Variants in ACVR2B observed in about 807,000 individuals in gnomAD.
ACVR2B encodes activin A receptor type 2B.
In ACVR2B, 18 loss-of-function variants were observed where a neutral mutation model predicts 65.1. The ratio of observed to expected loss-of-function variants is 0.28; its 90% CI spans 0.19 to 0.41. The LOEUF is 0.41. Among genes scored for constraint, ACVR2B ranks in the 10% least tolerant of loss-of-function variants. The pLI, the probability that ACVR2B is intolerant of heterozygous loss-of-function variation, is 1.00. For missense variants in ACVR2B, 482 were observed against 682.7 expected, an observed-to-expected ratio of 0.71 and a Z score of 3.28; for synonymous variants, 298 against 277.7, an observed-to-expected ratio of 1.07 and a Z score of -0.73.
In ACVR2B at chr3:38,454,306, G is replaced by C. The variant is rs1709502682; in HGVS notation, c.-17G>C. ...TGCCCGCGGGCTCCGGGTGTGCGCG[G>C]GGCGGCGCCGCGGAACATGACGGCG... On this transcript the variant is annotated 5_prime_UTR_variant, in exon 1 of 11. Transcript: ENST00000352511. The C allele has an allele frequency of 2.3e-6, 3 of 1,279,090 alleles. No homozygotes were observed. The highest frequency in any genetic ancestry group is 2.0e-6 in the Non-Finnish European group (2 of 1,013,710). 79.2% of individuals were successfully genotyped at this position (1,279,090 alleles called of 1,614,324 possible).
intron 1 of ACVR2B, among the ~76,000 whole-genome samples, chr3:38,455,800 C>T (rs944750567): frequency 3.9e-5 from 6 of 152,154 alleles, no homozygotes; most frequent in African/African-American, 1.4e-4. Flanking sequence ...GATGCCTTTT[C>T]CCCAAGAAGG....
At chr3:38,455,661 A>G (rs1239651493) in intron 1 of ACVR2B, among the ~76,000 whole-genome samples, 3 of 152,232 alleles carry the variant, frequency 2.0e-5, no homozygotes, top group Admixed American at 2.0e-4. Flanking sequence ...CCGGAAACCG[A>G]AGGGCAAAGA....
chr3:38,459,066 AC>A (rs1422595460), intron 1 of ACVR2B, among the ~76,000 whole-genome samples: 2 of 152,118 alleles, frequency 1.3e-5, no homozygotes, highest in African/African-American at 4.8e-5. Flanking sequence ...CAGATTGGGA[AC>A]CACTGATCTA....
intron 1 of ACVR2B, among the ~76,000 whole-genome samples, chr3:38,467,443 C>CA (rs879791999): frequency 0.042 from 5,357 of 128,846 alleles, 314 homozygotes; most frequent in African/African-American, 0.14. Flanking sequence ...AACTCTGTCT[C>CA]AAAAAAAAAA....
At chr3:38,456,913 G>T (rs1709559940) in intron 1 of ACVR2B, among the ~76,000 whole-genome samples, 1 of 152,160 alleles carries the variant, frequency 6.6e-6, no homozygotes, top group Non-Finnish European at 1.5e-5. Context: ...AACTTCAATA[G>T]TATATTTTAC....
At chr3:38,464,369 G>A (rs1709696361) in intron 1 of ACVR2B, among the ~76,000 whole-genome samples, 1 of 152,170 alleles carries the variant, frequency 6.6e-6, no homozygotes, top group Non-Finnish European at 1.5e-5. Flanking sequence ...TTACGATCCT[G>A]AAAATATGTC....
chr3:38,469,327 T>C (rs888161447), intron 1 of ACVR2B, among the ~76,000 whole-genome samples: 22 of 152,210 alleles, frequency 1.4e-4, no homozygotes, highest in Non-Finnish European at 2.9e-4. Flanking sequence ...TTTGCCTGTC[T>C]TTATAATTTA....
Position 38,483,263 on chromosome 3 carries a change from G to T in ACVR2B, c.1470G>T (p.Ser490=), listed in dbSNP as rs41285127. 11 of 1,613,978 alleles carry T rather than the reference G, an allele frequency of 6.8e-6. No individual in the cohort carries two copies. The highest frequency in any genetic ancestry group is 9.3e-6 in the Non-Finnish European group (11 of 1,180,020). Residue 490 remains serine, a synonymous_variant, in exon 11 of 11, where the codon TCG becomes TCT. Coordinates refer to ENST00000352511, the MANE Select transcript of ACVR2B (RefSeq NM_001106.4). The surrounding 1 kb of genome is among the most constrained non-coding windows in gnomAD (Gnocchi z 4.8). ...GGAGGTCGGTCAACGGCACTACCTC[G>T]GACTGTCTCGTTTCCCTGGTGACCT... is the stretch of plus-strand genomic sequence containing the variant. ...LIRRSVNGTT[S]DCLVSLVTSV...
intron 1 of ACVR2B, among the ~76,000 whole-genome samples, chr3:38,472,887 A>T (rs562887026): frequency 3.2e-4 from 48 of 152,232 alleles, no homozygotes; most frequent in Non-Finnish European, 5.4e-4. Context: ...GGCCTACTGG[A>T]CTGAGCTGCT....
At chr3:38,462,099 C>G (rs1417738896) in intron 1 of ACVR2B, among the ~76,000 whole-genome samples, 1 of 152,098 alleles carries the variant, frequency 6.6e-6, no homozygotes, top group Non-Finnish European at 1.5e-5. Flanking sequence ...GAGGCTGAGG[C>G]AGGAGAATGG....
chr3:38,481,651 G>A lies in ACVR2B; in HGVS notation c.1074+186G>A, dbSNP rs1265472295. Among the ~76,000 whole-genome samples, 1 of 152,240 alleles carries A rather than the reference G, an allele frequency of 6.6e-6. No individual in the cohort carries two copies. Among genetic ancestry groups the A allele is most frequent in the African/African-American group, 2.4e-5 (1 of 41,452 alleles). ...AAGACCAGGAAGGCAGTGTAGTTTA[G>A]CTTCCGTAGGACAGTCAGCTGGGAA... On this transcript the variant is annotated intron_variant, in intron 8 of 10. Transcript: ENST00000352511. The surrounding 1 kb of genome is among the most constrained non-coding windows in gnomAD (Gnocchi z 4.7).
chr3:38,479,407 G>A, intron 6 of ACVR2B, 136 bp downstream of exon 6: 1 of 1,358,790 alleles, frequency 7.4e-7, no homozygotes, highest in African/African-American at 1.4e-5. Flanking sequence ...ATCCACTATG[G>A]GGTTACTCCT....
chr3:38,479,761 C>G lies in ACVR2B; in HGVS notation c.894C>G (p.Leu298=). Residue 298 remains leucine, a synonymous_variant, in exon 7 of 11, where the codon CTC becomes CTG. Transcript: ENST00000352511. ...CHVAETMSRG[L]SYLHEDVPWC... is the part of the protein sequence containing the mutation. Reference sequence around the variant, plus strand: ...TAGCAGAGACGATGTCACGAGGCCTCTCATACCTGCATGAGGATGTGCCCT... The same window carrying G: ...TAGCAGAGACGATGTCACGAGGCCTGTCATACCTGCATGAGGATGTGCCCT... 6.2e-7 allele frequency: 1 copy of G among 1,614,256 alleles called. No homozygotes were observed. Among genetic ancestry groups the G allele is most frequent in the Non-Finnish European group, 8.5e-7 (1 of 1,180,044 alleles).
At chr3:38,482,699 A>G in intron 10 of ACVR2B, 139 bp downstream of exon 10, 1 of 1,289,474 alleles carries the variant, frequency 7.8e-7, no homozygotes, top group Non-Finnish European at 1.1e-6. Context: ...GATGTGTTCC[A>G]GGGGTTATGG....
rs376462721 is a variant in ACVR2B at position 38,479,139 on chromosome 3, G to A, written c.678G>A (p.Ser226=). 3.2e-5 allele frequency: 51 copies of A among 1,614,050 alleles called. No individual in the cohort carries two copies. Among genetic ancestry groups the A allele is most frequent in the African/African-American group, 1.9e-4 (14 of 74,916 alleles). The change falls in exon 6 of 11, where the codon TCG becomes TCA. Residue 226 remains serine (S), a synonymous_variant. Transcript: ENST00000352511. The part of the protein sequence containing the change: ...VKIFPLQDKQ[S]WQSEREIFST... ...GCCCCCGGCCTCAGGACAAGCAGTC[G>A]TGGCAGAGTGAACGGGAGATCTTCA...
chr3:38,471,281 A>G (rs917469373), intron 1 of ACVR2B, among the ~76,000 whole-genome samples: 16 of 152,238 alleles, frequency 1.1e-4, no homozygotes, highest in African/African-American at 3.9e-4. Context: ...CTCAGAAGGA[A>G]ATGTTAGTAA....
Position 38,466,299 on chromosome 3 carries a change from G to C in ACVR2B, c.53-10988G>C, listed in dbSNP as rs1426301281. ...AAAATTCTGGTCTGTTGCACCGTAG[G>C]GTGCTTGTAGTTAGCAAGAATGTAT... On this transcript the variant is annotated intron_variant, in intron 1 of 10. Transcript: ENST00000352511. 6.8e-5 allele frequency among the ~76,000 whole-genome samples: 9 copies of C among 131,822 alleles called. No individual in the cohort carries two copies. In the East Asian group the frequency reaches 1.3e-3, roughly 19 times the overall value. 86.5% of individuals were successfully genotyped at this position (131,822 alleles called of 152,430 possible).
At chr3:38,456,236 C>A (rs1465812866) in intron 1 of ACVR2B, among the ~76,000 whole-genome samples, 2 of 152,188 alleles carry the variant, frequency 1.3e-5, no homozygotes, top group African/African-American at 4.8e-5. Flanking sequence ...GTCACATCAA[C>A]CAGTCCCTGA....
chr3:38,484,945 C>A lies in ACVR2B; in HGVS notation c.*1613C>A, dbSNP rs539790661. ...AGTTTGCATCTTCTAGGGAGTGCTA[C>A]CATTTTTGTTTGATAACGCCCCCTT... On this transcript the variant is annotated 3_prime_UTR_variant, in exon 11 of 11. Transcript: ENST00000352511. The A allele has an allele frequency of 6.6e-6, 1 of 152,586 alleles. No individual in the cohort carries two copies. Among genetic ancestry groups the A allele is most frequent in the Non-Finnish European group, 1.5e-5 (1 of 68,018 alleles). The allele number at this position is 152,586 out of a possible 1,614,324, so 9.5% of individuals were successfully genotyped here. A position where few individuals can be genotyped will look rare whatever the true frequency, so the allele number is the denominator to read the frequency against.
Sources: gnomAD v4.1 joint callset for allele counts (sites outside exome capture counted in the v4.1 genomes callset) on GRCh38, gnomAD v4.1.1 for gene constraint, Gnocchi (gnomAD v3.1) non-coding constraint, MANE v1.5 for transcripts, NCBI Gene and HGNC (gene_info 2026-07-23, HGNC 2026-07-21) for gene names.